The following ZNF608 variants were observed in gnomAD, a reference collection of about 807,000 sequenced individuals.
ZNF608 encodes renal carcinoma antigen NY-REN-36.
ZNF608 carries 12 observed loss-of-function variants against 109.0 expected under a neutral mutation model. The observed-to-expected ratio is 0.11, with a 90% CI of 0.07 to 0.18. The LOEUF is 0.18. Ranked by LOEUF, ZNF608 falls within the 10% of genes least tolerant of loss-of-function variation. The pLI is 1.00. For missense variants in ZNF608, 1,707 were observed against 1,879.3 expected, an observed-to-expected ratio of 0.91 and a Z score of 1.70; for synonymous variants, 732 against 717.4, an observed-to-expected ratio of 1.02 and a Z score of -0.33.
At chr5:124,716,142 C>CAAAAAAAAA (rs1232356378) in intron 2 of ZNF608, among the ~76,000 whole-genome samples, 179 of 73,372 alleles carry the variant, frequency 2.4e-3, no homozygotes, top group Non-Finnish European at 3.5e-3. Flanking sequence ...GAATCCGTCT[C>CAAAAAAAAA]AAAAAAAAAA....
intron 9 of ZNF608, chr5:124,638,863 T>C (rs1262578282): frequency 2.7e-6 from 3 of 1,092,104 alleles, no homozygotes; most frequent in Non-Finnish European, 3.5e-6. Flanking sequence ...TGGTGAATTA[T>C]TTTAGAAATG....
chr5:124,740,824 A>G (rs1209067106), intron 2 of ZNF608, among the ~76,000 whole-genome samples: 2 of 152,176 alleles, frequency 1.3e-5, no homozygotes, highest in Non-Finnish European at 2.9e-5. Flanking sequence ...CACTTTTAGG[A>G]TTTTTGAGTT....
intron 2 of ZNF608, among the ~76,000 whole-genome samples, chr5:124,724,482 G>T (rs566376891): frequency 8.4e-6 from 1 of 119,110 alleles, no homozygotes. Context: ...AACCCAGGGA[G>T]TATGCAAAGA....
intron 2 of ZNF608, among the ~76,000 whole-genome samples, chr5:124,727,840 A>G (rs781297833): frequency 5.9e-5 from 9 of 151,354 alleles, no homozygotes; most frequent in Non-Finnish European, 1.2e-4. Flanking sequence ...CCCGGGTTAA[A>G]GCGATTCTCT....
rs879717329 is a variant in ZNF608, at chr5:124,682,158, C to T, written c.1162+18856G>A. 3.3e-5 allele frequency among the ~76,000 whole-genome samples: 5 copies of T among 152,182 alleles called. No individual in the cohort carries two copies. In the South Asian group the frequency reaches 8.3e-4, roughly 25 times the overall value. ...TGCAATCTCCTCTCACTGCAACCTC[C>T]GCCTCCCAGGTTCAAGCGATTCTCC... On this transcript the variant is annotated intron_variant, in intron 3 of 9. Transcript: ENST00000513986.
intron 3 of ZNF608, among the ~76,000 whole-genome samples, chr5:124,650,972 A>C (rs570588606): frequency 2.0e-4 from 30 of 152,254 alleles, no homozygotes; most frequent in Non-Finnish European, 2.1e-4. Flanking sequence ...GGACTCAAGT[A>C]ATGGAGAACG....
At chr5:124,694,460 G>C (rs1021922934) in intron 3 of ZNF608, among the ~76,000 whole-genome samples, 13 of 151,892 alleles carry the variant, frequency 8.6e-5, no homozygotes, top group African/African-American at 3.1e-4. Flanking sequence ...TTCACTATTT[G>C]GGTTGCCTTT....
chr5:124,743,422 C>T (rs1749500106), intron 2 of ZNF608, among the ~76,000 whole-genome samples: 1 of 152,100 alleles, frequency 6.6e-6, no homozygotes, highest in South Asian at 2.1e-4. Context: ...TAACAGCCAC[C>T]AAAACCATCG....
chr5:124,679,822 G>T (rs1021511400), intron 3 of ZNF608, among the ~76,000 whole-genome samples: 2 of 152,166 alleles, frequency 1.3e-5, no homozygotes, highest in Non-Finnish European at 2.9e-5. Flanking sequence ...GTTTTAAGGA[G>T]GTGTCTTCCA....
At chr5:124,654,005 C>T (rs939570350) in intron 3 of ZNF608, among the ~76,000 whole-genome samples, 5 of 152,150 alleles carry the variant, frequency 3.3e-5, no homozygotes, top group African/African-American at 1.2e-4. Context: ...GCCTATTTTC[C>T]AGCCATCTTG....
At chr5:124,652,591 G>A (rs1750839840) in intron 3 of ZNF608, among the ~76,000 whole-genome samples, 2 of 152,190 alleles carry the variant, frequency 1.3e-5, no homozygotes, top group African/African-American at 4.8e-5. Flanking sequence ...TTGGAATGAA[G>A]GCTTAAGGAA....
intron 2 of ZNF608, among the ~76,000 whole-genome samples, chr5:124,742,532 T>C (rs1749457650): frequency 6.6e-6 from 1 of 152,312 alleles, no homozygotes; most frequent in South Asian, 2.1e-4. Flanking sequence ...AATAAGAAGA[T>C]TTCAGAACAC....
intron 3 of ZNF608, among the ~76,000 whole-genome samples, chr5:124,663,319 G>C (rs1447515643): frequency 6.6e-6 from 1 of 152,240 alleles, no homozygotes; most frequent in Non-Finnish European, 1.5e-5. Flanking sequence ...AGGAGGGAAA[G>C]GCGAGTGGTG....
In ZNF608 at chr5:124,639,219, T is replaced by TG; in HGVS notation, c.4451-6dup. ...CAAGGGCAGCAGAGGTCAAGCCTAATGGGGAAAAAATGTAGAGTGTCTGTG... is the reference window on the plus strand; with the variant it reads ...CAAGGGCAGCAGAGGTCAAGCCTAATGGGGGAAAAAATGTAGAGTGTCTGTG... On this transcript the variant is annotated splice_region_variant and splice_polypyrimidine_tract_variant and intron_variant, in intron 8 of 9. Coordinates refer to ENST00000513986, the MANE Select transcript of ZNF608 (RefSeq NM_020747.3). The TG allele has an allele frequency of 6.2e-7, 1 of 1,613,946 alleles. No homozygotes were observed. The highest frequency in any genetic ancestry group is 8.5e-7 in the Non-Finnish European group (1 of 1,179,880).
chr5:124,708,646 T>C, intron 2 of ZNF608: 1 of 448,806 alleles, frequency 2.2e-6, no homozygotes, highest in Non-Finnish European at 4.5e-6. Flanking sequence ...TTTTAAATCA[T>C]CCAATTCTAA....
chr5:124,732,698 T>C (rs1394727885), intron 2 of ZNF608, among the ~76,000 whole-genome samples: 1 of 152,174 alleles, frequency 6.6e-6, no homozygotes, highest in Non-Finnish European at 1.5e-5. Context: ...GGAATTTCTA[T>C]AAATGGTCCC....
At chr5:124,669,472 A>G (rs1297828781) in intron 3 of ZNF608, among the ~76,000 whole-genome samples, 1 of 152,166 alleles carries the variant, frequency 6.6e-6, no homozygotes, top group Non-Finnish European at 1.5e-5. Context: ...AACAGTGGAC[A>G]GCATACAATA....
chr5:124,704,717 T>C (rs563337163), intron 2 of ZNF608, among the ~76,000 whole-genome samples: 1 of 152,150 alleles, frequency 6.6e-6, no homozygotes, highest in Non-Finnish European at 1.5e-5. Flanking sequence ...TGAGCTTCAC[T>C]GCAGCCTTGC....
intron 2 of ZNF608, among the ~76,000 whole-genome samples, chr5:124,705,000 G>T (rs76483515): frequency 1.3e-5 from 2 of 152,058 alleles, no homozygotes; most frequent in East Asian, 3.9e-4. Context: ...AATTCTTTCT[G>T]CTAGGTAAGA....
Sources: allele counts gnomAD v4.1 joint callset (sites outside exome capture counted in the v4.1 genomes callset), GRCh38; gene constraint gnomAD v4.1.1; transcripts MANE v1.5; gene names NCBI Gene and HGNC (gene_info 2026-07-23, HGNC 2026-07-21).